UBE2H: variants seen among roughly 807,000 people sequenced by gnomAD.
UBE2H encodes the protein ubiquitin conjugating enzyme E2 H, also known as ubiquitin-conjugating enzyme E2 H.
In UBE2H, 3 loss-of-function variants were observed where a neutral mutation model predicts 29.0. That is an observed-to-expected ratio of 0.10 (90% CI 0.05 to 0.27). The LOEUF is 0.27. Among genes scored for constraint, UBE2H ranks in the 10% least tolerant of loss-of-function variants. The pLI is 1.00. For synonymous variants in UBE2H, 69 were observed against 82.9 expected, an observed-to-expected ratio of 0.83 and a Z score of 0.91; for missense variants, 68 against 228.2, an observed-to-expected ratio of 0.30 and a Z score of 4.52.
chr7:129,890,003 C>T (rs1279824442), intron 1 of UBE2H, among the ~76,000 whole-genome samples: 6 of 152,030 alleles, frequency 3.9e-5, no homozygotes, highest in Non-Finnish European at 7.4e-5. Context: ...CAGGGTGGTA[C>T]GAGCCTGTAG....
chr7:129,909,989 C>T (rs979425326), intron 1 of UBE2H, among the ~76,000 whole-genome samples: 5 of 151,924 alleles, frequency 3.3e-5, no homozygotes, highest in African/African-American at 1.2e-4. Flanking sequence ...GGGGGTGATT[C>T]AAGGAAGGCT....
At chr7:129,901,158 C>A (rs1806706610) in intron 1 of UBE2H, among the ~76,000 whole-genome samples, 1 of 152,224 alleles carries the variant, frequency 6.6e-6, no homozygotes, top group Admixed American at 6.5e-5. Flanking sequence ...TCACCTCAGA[C>A]AGAACTGTCT....
chr7:129,850,296 G>C (rs1805585953), intron 5 of UBE2H, among the ~76,000 whole-genome samples: 1 of 152,088 alleles, frequency 6.6e-6, no homozygotes, highest in African/African-American at 2.4e-5. Flanking sequence ...GAGCCCAGAA[G>C]GTTGAGGCTG....
At chr7:129,872,953 G>A (rs1806072047) in intron 3 of UBE2H, among the ~76,000 whole-genome samples, 1 of 151,422 alleles carries the variant, frequency 6.6e-6, no homozygotes. Flanking sequence ...CCAGTCTAGT[G>A]GAACAGGGCA....
chr7:129,927,261 G>A (rs1807288799), intron 1 of UBE2H, among the ~76,000 whole-genome samples: 1 of 151,888 alleles, frequency 6.6e-6, no homozygotes, highest in African/African-American at 2.4e-5. Flanking sequence ...GGGCAACTTC[G>A]CCAGGTGCGG....
intron 1 of UBE2H, among the ~76,000 whole-genome samples, chr7:129,914,219 G>A (rs1394381377): frequency 6.6e-6 from 1 of 151,750 alleles, no homozygotes; most frequent in Non-Finnish European, 1.5e-5. Flanking sequence ...CCAGGCTGGA[G>A]TGCAGAGGTG....
intron 1 of UBE2H, among the ~76,000 whole-genome samples, chr7:129,932,792 A>AAAAAAAC (rs1807436409): frequency 7.0e-6 from 1 of 142,642 alleles, no homozygotes; most frequent in Admixed American, 7.1e-5. Flanking sequence ...AAAAAAAAAA[A>AAAAAAAC]AAAAAGTCCT....
chr7:129,939,544 T>G (rs141714726), intron 1 of UBE2H, among the ~76,000 whole-genome samples: 14 of 152,336 alleles, frequency 9.2e-5, no homozygotes, highest in African/African-American at 3.4e-4. Flanking sequence ...CTTACTGATA[T>G]GACTTTAACC....
At chr7:129,836,879 C>A (rs866888906) in intron 6 of UBE2H, among the ~76,000 whole-genome samples, 2 of 73,756 alleles carry the variant, frequency 2.7e-5, no homozygotes, top group East Asian at 6.0e-4. Context: ...GACTCCGTCT[C>A]AAAAAAAAAA....
chr7:129,836,436 G>A (rs1250398423), intron 6 of UBE2H, among the ~76,000 whole-genome samples: 1 of 152,208 alleles, frequency 6.6e-6, no homozygotes, highest in Non-Finnish European at 1.5e-5. Flanking sequence ...AGTGTCACCA[G>A]AGGGAAGCAG....
At chr7:129,937,111 C>T (rs892893966) in intron 1 of UBE2H, among the ~76,000 whole-genome samples, 3 of 151,946 alleles carry the variant, frequency 2.0e-5, no homozygotes, top group Non-Finnish European at 4.4e-5. Context: ...GGATGGATCA[C>T]GAGGTCAGGA....
chr7:129,884,549 G>A (rs935691125), intron 1 of UBE2H, among the ~76,000 whole-genome samples: 7 of 151,706 alleles, frequency 4.6e-5, no homozygotes, highest in East Asian at 1.9e-4. Flanking sequence ...AAATGGAAAC[G>A]GTCTAAACAT....
At chr7:129,895,271 G>GA (rs1432971112) in intron 1 of UBE2H, among the ~76,000 whole-genome samples, 1 of 152,146 alleles carries the variant, frequency 6.6e-6, no homozygotes, top group African/African-American at 2.4e-5. Flanking sequence ...GGCATGAAGG[G>GA]AAGCACAGGC....
chr7:129,908,522 C>A (rs185688598), intron 1 of UBE2H, among the ~76,000 whole-genome samples: 16 of 152,242 alleles, frequency 1.1e-4, no homozygotes, highest in Admixed American at 8.5e-4. Context: ...ACTTTAGTTT[C>A]AAAAACTATT....
At chr7:129,880,594 T>C (rs1472634145) in intron 2 of UBE2H, among the ~76,000 whole-genome samples, 2 of 152,212 alleles carry the variant, frequency 1.3e-5, no homozygotes, top group Non-Finnish European at 2.9e-5. Flanking sequence ...AATCTAGATG[T>C]GATTTAAAGG....
intron 1 of UBE2H, among the ~76,000 whole-genome samples, chr7:129,950,501 T>A (rs575091805): frequency 1.6e-4 from 24 of 152,176 alleles, no homozygotes; most frequent in African/African-American, 5.1e-4. Context: ...CCACAACTAC[T>A]AAATGAACAA....
chr7:129,917,086 T>C (rs1157556140), intron 1 of UBE2H, among the ~76,000 whole-genome samples: 5 of 149,104 alleles, frequency 3.4e-5, no homozygotes, highest in Admixed American at 3.3e-4. Context: ...GTGCCTGTAG[T>C]CCCAGCTACT....
At chr7:129,864,557 T>TTTTC (rs1563026352) in intron 3 of UBE2H, among the ~76,000 whole-genome samples, 1 of 2,374 alleles carries the variant, frequency 4.2e-4, no homozygotes, top group Non-Finnish European at 1.1e-3. Context: ...CTTTTCTTTC[T>TTTTC]TTTTTTTTTT....
At chr7:129,867,782 TAAA>T (rs79333410) in intron 3 of UBE2H, among the ~76,000 whole-genome samples, 2 of 108,700 alleles carry the variant, frequency 1.8e-5, no homozygotes, top group Admixed American at 9.1e-5. Context: ...AAAATTAGAT[TAAA>T]AAAAAAAAAC....
Sources: gnomAD v4.1 joint callset for allele counts (sites outside exome capture counted in the v4.1 genomes callset) on GRCh38, gnomAD v4.1.1 for gene constraint, MANE v1.5 for transcripts, NCBI Gene and HGNC (gene_info 2026-07-23, HGNC 2026-07-21) for gene names.